VKORC1L1: variants seen among roughly 807,000 people sequenced by gnomAD.
VKORC1L1 encodes the protein vitamin K epoxide reductase complex subunit 1-like protein 1.
VKORC1L1 carries 2 observed loss-of-function variants against 18.9 expected under a neutral mutation model. That is an observed-to-expected ratio of 0.11 (90% CI 0.04 to 0.33). VKORC1L1 has a LOEUF of 0.33. Ranked by LOEUF, VKORC1L1 falls within the 10% of genes least tolerant of loss-of-function variation. The pLI is 1.00. For synonymous variants in VKORC1L1, 96 were observed against 100.0 expected (o/e 0.96, Z 0.24); for missense variants, 123 against 224.1 (o/e 0.55, Z 2.88).
chr7:65,890,744 CTT>C (rs1789098719), intron 1 of VKORC1L1, among the ~76,000 whole-genome samples: 1 of 152,222 alleles, frequency 6.6e-6, no homozygotes, highest in Admixed American at 6.5e-5. Context: ...TTATCCACCT[CTT>C]TGCCAAGGCT....
chr7:65,935,462 A>G (rs1396474852), intron 1 of VKORC1L1, among the ~76,000 whole-genome samples: 3 of 151,978 alleles, frequency 2.0e-5, no homozygotes, highest in Non-Finnish European at 4.4e-5. Flanking sequence ...GACGCACGCC[A>G]CCACGCTCAT....
intron 1 of VKORC1L1, among the ~76,000 whole-genome samples, chr7:65,906,221 G>A (rs551626419): frequency 1.3e-5 from 2 of 151,958 alleles, no homozygotes; most frequent in African/African-American, 4.8e-5. Context: ...GATCACCTGA[G>A]GTCAGGAGTT....
At chr7:65,900,125 C>T (rs1377085229) in intron 1 of VKORC1L1, among the ~76,000 whole-genome samples, 3 of 151,358 alleles carry the variant, frequency 2.0e-5, no homozygotes, top group Non-Finnish European at 4.4e-5. Flanking sequence ...TGTGGTGGCT[C>T]ATGCCTGTAA....
chr7:65,929,300 T>C (rs1583855016), intron 1 of VKORC1L1, among the ~76,000 whole-genome samples: 2 of 152,182 alleles, frequency 1.3e-5, no homozygotes, highest in Non-Finnish European at 2.9e-5. Flanking sequence ...GTAATCCACC[T>C]ATTCAGGAGG....
At chr7:65,929,724 T>C (rs775902480) in intron 1 of VKORC1L1, among the ~76,000 whole-genome samples, 1 of 138,794 alleles carries the variant, frequency 7.2e-6, no homozygotes, top group Non-Finnish European at 1.6e-5. Context: ...AACTTTACTT[T>C]TAAAAATTTT....
intron 1 of VKORC1L1, among the ~76,000 whole-genome samples, chr7:65,877,832 G>T (rs904406405): frequency 2.0e-5 from 3 of 152,140 alleles, no homozygotes; most frequent in African/African-American, 4.8e-5. Flanking sequence ...TACCATAGGG[G>T]ATTGGTTTCA....
chr7:65,924,477 C>T (rs1023460207), intron 1 of VKORC1L1, among the ~76,000 whole-genome samples: 8 of 152,176 alleles, frequency 5.3e-5, no homozygotes, highest in East Asian at 1.9e-4. Flanking sequence ...GCCATAGGAT[C>T]GTTGCCAAAC....
intron 1 of VKORC1L1, among the ~76,000 whole-genome samples, chr7:65,918,336 A>G (rs1257498104): frequency 1.3e-5 from 2 of 152,368 alleles, no homozygotes; most frequent in African/African-American, 4.8e-5. Context: ...TAAAGGACAC[A>G]GAGATATGTA....
In VKORC1L1 at chr7:65,914,424, G is replaced by A. The variant is rs144250466; in HGVS notation, c.195-34247G>A. Among the ~76,000 whole-genome samples, 180 of 152,188 alleles carry A rather than the reference G, an allele frequency of 1.2e-3. 1 individual carries two copies. In the East Asian group the frequency reaches 0.032, roughly 27 times the overall value. ...ACCCAGGCACTTCTTTTTTGCCACT[G>A]TCTCTCCTATCCCTTCCCTCTATAT... is the stretch of plus-strand genomic sequence containing the variant. On this transcript the variant is annotated intron_variant, in intron 1 of 2. Coordinates refer to ENST00000360768, the MANE Select transcript of VKORC1L1 (RefSeq NM_173517.6).
chr7:65,887,236 T>C (rs1391744349), intron 1 of VKORC1L1, among the ~76,000 whole-genome samples: 2 of 152,152 alleles, frequency 1.3e-5, no homozygotes, highest in Admixed American at 1.3e-4. Context: ...ATCTGTACTG[T>C]TAATTCATAA....
At chr7:65,949,742 C>A (rs1229536238) in intron 2 of VKORC1L1, among the ~76,000 whole-genome samples, 2 of 152,142 alleles carry the variant, frequency 1.3e-5, no homozygotes, top group Admixed American at 1.3e-4. Flanking sequence ...CGAGATCACA[C>A]CACTGCACTC....
intron 1 of VKORC1L1, among the ~76,000 whole-genome samples, chr7:65,887,522 A>G (rs142555275): frequency 1.7e-3 from 265 of 151,762 alleles, no homozygotes; most frequent in Middle Eastern, 3.4e-3. Flanking sequence ...GTGATACTAG[A>G]TAATAAACTT....
At chr7:65,889,359 T>C (rs1789071889) in intron 1 of VKORC1L1, among the ~76,000 whole-genome samples, 1 of 152,234 alleles carries the variant, frequency 6.6e-6, no homozygotes. Flanking sequence ...ATTTATTTCA[T>C]ACTCTTCCTC....
Position 65,954,275 on chromosome 7 carries a change from G to A in VKORC1L1, c.506G>A (p.Arg169Gln), listed in dbSNP as rs753091105. The A allele has an allele frequency of 7.4e-6, 12 of 1,613,866 alleles. No homozygotes were observed. The East Asian group carries it at 1.1e-4, about 15-fold the overall frequency. ...GTTTACTTGAACGAGGCCTGGAAGCGGCAGCTGCAACCCAAGCAGGACTGA... is the reference window on the plus strand; with the variant it reads ...GTTTACTTGAACGAGGCCTGGAAGCAGCAGCTGCAACCCAAGCAGGACTGA... ...RLVYLNEAWKRQLQPKQD is the reference protein window; with the variant it reads ...RLVYLNEAWKQQLQPKQD The change falls in exon 3 of 3, where the codon CGG becomes CAG. Residue 169 changes from arginine (R) to glutamine (Q), a missense_variant. This residue lies in a region of VKORC1L1 where 4 missense variants were observed against 18.9 expected (regional missense o/e 0.21). Coordinates refer to ENST00000360768, the MANE Select transcript of VKORC1L1 (RefSeq NM_173517.6).
intron 1 of VKORC1L1, among the ~76,000 whole-genome samples, chr7:65,875,988 A>G (rs542144880): frequency 5.3e-5 from 8 of 152,314 alleles, no homozygotes; most frequent in African/African-American, 1.7e-4. Flanking sequence ...GAGATTAATG[A>G]GAGAATCTTG....
intron 1 of VKORC1L1, among the ~76,000 whole-genome samples, chr7:65,901,165 TATAAAG>T (rs1789308914): frequency 6.6e-6 from 1 of 152,178 alleles, no homozygotes; most frequent in Non-Finnish European, 1.5e-5. Context: ...TGTTCGGTGT[TATAAAG>T]AGGTAGAGCT....
intron 1 of VKORC1L1, among the ~76,000 whole-genome samples, chr7:65,874,809 T>G (rs1314131334): frequency 6.6e-6 from 1 of 151,846 alleles, no homozygotes; most frequent in African/African-American, 2.4e-5. Flanking sequence ...CCATCTCAAA[T>G]AAATAAATAA....
At chr7:65,891,460 C>T (rs894195303) in intron 1 of VKORC1L1, among the ~76,000 whole-genome samples, 3 of 151,948 alleles carry the variant, frequency 2.0e-5, no homozygotes, top group African/African-American at 7.3e-5. Context: ...TGTTTTTCGG[C>T]CATTTGGATA....
intron 1 of VKORC1L1, among the ~76,000 whole-genome samples, chr7:65,937,535 A>T (rs532500672): frequency 1.3e-5 from 2 of 152,276 alleles, no homozygotes; most frequent in African/African-American, 4.8e-5. Context: ...CTAGGACTAC[A>T]GGTGTGTGCC....
Sources: gnomAD v4.1 joint callset for allele counts (sites outside exome capture counted in the v4.1 genomes callset) on GRCh38, gnomAD v4.1.1 for gene constraint, gnomAD v4.1.1 regional missense constraint, MANE v1.5 for transcripts, NCBI Gene and HGNC (gene_info 2026-07-23, HGNC 2026-07-21) for gene names.